SLC38A6: variants seen among roughly 807,000 people sequenced by gnomAD.
SLC38A6 encodes solute carrier family 38 member 6.
SLC38A6 carries 73 observed loss-of-function variants against 65.0 expected under a neutral mutation model. That is an observed-to-expected ratio of 1.12 (90% CI 0.93 to 1.37). The LOEUF (loss-of-function observed/expected upper bound fraction) is 1.37, where lower values mean the gene tolerates loss of function less well. SLC38A6 is among the 40% of genes most tolerant of loss of function. The probability of loss-of-function intolerance (pLI) is 0.00; values close to 1 mark genes in which losing one functional copy is unlikely to be tolerated. For missense variants in SLC38A6, 561 were observed against 531.1 expected (o/e 1.06, Z -0.55); for synonymous variants, 183 against 178.8 (o/e 1.02, Z -0.19).
chr14:61,067,570 C>T (rs959610549), intron 15 of SLC38A6, among the ~76,000 whole-genome samples: 2 of 152,134 alleles, frequency 1.3e-5, no homozygotes, highest in Non-Finnish European at 2.9e-5. Context: ...TTAGCAATGA[C>T]ATTACACTTT....
intron 5 of SLC38A6, among the ~76,000 whole-genome samples, chr14:61,028,016 G>T (rs1177754335): frequency 6.6e-6 from 1 of 151,870 alleles, no homozygotes; most frequent in Non-Finnish European, 1.5e-5. Flanking sequence ...AAATATACAT[G>T]ATTCTTCAGA....
intron 8 of SLC38A6, among the ~76,000 whole-genome samples, chr14:61,041,941 C>T (rs1465045226): frequency 2.0e-5 from 3 of 151,740 alleles, no homozygotes; most frequent in Admixed American, 1.3e-4. Flanking sequence ...GCAGTTTCAC[C>T]CTCACCTCAT....
intron 13 of SLC38A6, 56 bp from the exon 14 acceptor site, chr14:61,051,731 A>C: frequency 6.3e-7 from 1 of 1,590,564 alleles, no homozygotes; most frequent in Non-Finnish European, 8.5e-7. Context: ...TCTCTCAGCA[A>C]ATATCTGGAC....
intron 5 of SLC38A6, among the ~76,000 whole-genome samples, chr14:61,026,088 A>T (rs947407627): frequency 2.0e-5 from 3 of 152,138 alleles, no homozygotes; most frequent in Non-Finnish European, 4.4e-5. Flanking sequence ...AACAAAAAAG[A>T]TTCTTATCTT....
At chr14:61,070,643 C>T (rs1424748635) in intron 15 of SLC38A6, among the ~76,000 whole-genome samples, 3 of 152,150 alleles carry the variant, frequency 2.0e-5, no homozygotes, top group East Asian at 3.8e-4. Context: ...ATACTGGTTT[C>T]CTTAATGGTT....
At chr14:61,062,875 C>T (rs542273726) in intron 15 of SLC38A6, among the ~76,000 whole-genome samples, 166 of 152,012 alleles carry the variant, frequency 1.1e-3, no homozygotes, top group Non-Finnish European at 2.0e-3. Flanking sequence ...GATAGGGTTT[C>T]GCCATGTTGG....
In SLC38A6 at chr14:61,050,273, T is replaced by A. The variant is rs533068610; in HGVS notation, c.926-239T>A. Among the ~76,000 whole-genome samples, 57 of 152,296 alleles carry A rather than the reference T, an allele frequency of 3.7e-4. No individual in the cohort carries two copies. The East Asian group carries it at 8.5e-3, about 23-fold the overall frequency. On this transcript the variant is annotated intron_variant, in intron 12 of 15. Coordinates refer to ENST00000267488, the MANE Select transcript of SLC38A6 (RefSeq NM_153811.3). The stretch of plus-strand genomic sequence containing the variant: ...TTCCAAAGAGATAATTTAGTATACA[T>A]ATTCATTGTCATAATTTGAGAGGTT...
At chr14:61,043,634 A>T (rs2041947875) in intron 10 of SLC38A6, 131 bp downstream of exon 10, 2 of 397,520 alleles carry the variant, frequency 5.0e-6, no homozygotes, top group South Asian at 4.9e-5. Context: ...TAAGTATAGG[A>T]TTGCCTACCA....
At chr14:61,007,288 C>G (rs1377065241) in intron 3 of SLC38A6, among the ~76,000 whole-genome samples, 3 of 151,338 alleles carry the variant, frequency 2.0e-5, no homozygotes, top group Non-Finnish European at 4.4e-5. Context: ...CTAACCTTCA[C>G]ATTGTGCACA....
rs1250130438 is a variant in SLC38A6 at position 61,062,539 on chromosome 14, C to G, written c.1290+10404C>G. ...ACTGGGTCTTGCTATGTTGCCCCGA[C>G]TGGATTTAAATTCCTGGGCTCAAGT... is the stretch of plus-strand genomic sequence containing the variant. On this transcript the variant is annotated intron_variant, in intron 15 of 16. Transcript: ENST00000354886. Among the ~76,000 whole-genome samples the G allele has an allele frequency of 2.0e-5, 3 of 151,834 alleles. No individual in the cohort carries two copies. In the East Asian group the frequency reaches 5.8e-4, roughly 29 times the overall value.
At chr14:60,989,663 G>T (rs929559752) in intron 3 of SLC38A6, among the ~76,000 whole-genome samples, 22 of 152,182 alleles carry the variant, frequency 1.4e-4, no homozygotes, top group African/African-American at 5.3e-4. Flanking sequence ...GGCAGAGGTT[G>T]CAGTGAGCTG....
intron 3 of SLC38A6, among the ~76,000 whole-genome samples, chr14:61,012,940 G>T (rs1044338349): frequency 6.6e-6 from 1 of 152,172 alleles, no homozygotes; most frequent in African/African-American, 2.4e-5. Flanking sequence ...GGAGATCCTT[G>T]TTAACTTTCT....
At chr14:61,031,305 CTT>C (rs2040973741) in intron 6 of SLC38A6, among the ~76,000 whole-genome samples, 1 of 152,078 alleles carries the variant, frequency 6.6e-6, no homozygotes, top group Non-Finnish European at 1.5e-5. Context: ...ACCTGTCAGA[CTT>C]TTAGATTTGA....
At chr14:61,037,737 G>T in intron 8 of SLC38A6, 54 bp downstream of exon 8, 1 of 1,208,414 alleles carries the variant, frequency 8.3e-7, no homozygotes, top group Non-Finnish European at 1.2e-6. Context: ...TGGACTCATT[G>T]TGTTAGTCTT....
Position 61,064,099 on chromosome 14 carries a change from C to A in SLC38A6, c.1290+11964C>A, listed in dbSNP as rs1006780861. ...CACAGGGGAACTGGCCCCAGGTGCACGTTTTGAGTGCTTTCCCACAGTTTA... is the reference window on the plus strand; with the variant it reads ...CACAGGGGAACTGGCCCCAGGTGCAAGTTTTGAGTGCTTTCCCACAGTTTA... On this transcript the variant is annotated intron_variant, in intron 15 of 16. Coordinates refer to the SLC38A6 transcript ENST00000354886. Among the ~76,000 whole-genome samples the A allele has an allele frequency of 1.1e-4, 16 of 152,116 alleles. 1 individual carries two copies. The highest frequency in any genetic ancestry group is 9.8e-4 in the Admixed American group (15 of 15,270).
At chr14:61,028,228 T>C (rs2040719688) in intron 5 of SLC38A6, among the ~76,000 whole-genome samples, 1 of 152,114 alleles carries the variant, frequency 6.6e-6, no homozygotes, top group African/African-American at 2.4e-5. Flanking sequence ...AGAAAATTAC[T>C]GAAAGAGATG....
At chr14:61,078,722 C>T (rs994871725) in intron 15 of SLC38A6, 12 of 147,214 alleles carry the variant, frequency 8.2e-5, no homozygotes, top group African/African-American at 3.1e-4. Context: ...CTATTAAGAC[C>T]TCTGGCATCT....
intron 6 of SLC38A6, among the ~76,000 whole-genome samples, chr14:61,033,674 A>T (rs1379286598): frequency 6.6e-6 from 1 of 152,126 alleles, no homozygotes; most frequent in African/African-American, 2.4e-5. Context: ...GAAAATATCC[A>T]TTGAGAAACA....
At chr14:61,002,094 G>GAGCT (rs1337926197) in intron 3 of SLC38A6, 1 of 152,122 alleles carries the variant, frequency 6.6e-6, no homozygotes, top group Admixed American at 6.5e-5. Flanking sequence ...GTTCACTGAA[G>GAGCT]AGCTAAGTAG....
Sources: allele counts gnomAD v4.1 joint callset (sites outside exome capture counted in the v4.1 genomes callset), GRCh38; gene constraint gnomAD v4.1.1; transcripts MANE v1.5; gene names NCBI Gene and HGNC (gene_info 2026-07-23, HGNC 2026-07-21).